Variants in EPHA4 observed in about 807,000 individuals in gnomAD.
EPHA4 encodes the protein ephrin type-A receptor 4.
Under a neutral mutation model 108.3 loss-of-function variants are expected in EPHA4, and 19 were observed. The observed-to-expected ratio is 0.18, with a 90% CI of 0.12 to 0.26. The LOEUF (loss-of-function observed/expected upper bound fraction) is 0.26. Among genes scored for constraint, EPHA4 ranks in the 10% least tolerant of loss-of-function variants. EPHA4 has a pLI of 1.00. For missense variants in EPHA4, 917 were observed against 1,254.0 expected (o/e 0.73, Z 4.06); for synonymous variants, 449 against 455.5 (o/e 0.99, Z 0.18).
At chr2:221,521,002 T>C (rs1693149657) in intron 3 of EPHA4, among the ~76,000 whole-genome samples, 1 of 152,228 alleles carries the variant, frequency 6.6e-6, no homozygotes, top group African/African-American at 2.4e-5. Context: ...TTTTGTTATA[T>C]TGCGCCCCCT....
chr2:221,429,355 C>T (rs971169120), intron 15 of EPHA4, among the ~76,000 whole-genome samples: 1 of 152,178 alleles, frequency 6.6e-6, no homozygotes, highest in Non-Finnish European at 1.5e-5. Context: ...CTACCTCTTT[C>T]AGGTGGTCCA....
At chr2:221,557,238 G>A (rs138763960) in intron 3 of EPHA4, among the ~76,000 whole-genome samples, 319 of 152,234 alleles carry the variant, frequency 2.1e-3, no homozygotes, top group Admixed American at 3.6e-3. Flanking sequence ...TGGTACCATC[G>A]CTTCACTCTT....
chr2:221,449,364 C>G (rs1016610442), intron 8 of EPHA4, among the ~76,000 whole-genome samples: 2 of 152,176 alleles, frequency 1.3e-5, no homozygotes, highest in Non-Finnish European at 2.9e-5. Context: ...GAAGTCCTAA[C>G]TCAAAACTGA....
intron 3 of EPHA4, among the ~76,000 whole-genome samples, chr2:221,558,279 T>A (rs1421730850): frequency 1.3e-5 from 2 of 152,048 alleles, no homozygotes; most frequent in Admixed American, 6.6e-5. Flanking sequence ...TTTTGAAAAC[T>A]GTGTGTGTGT....
intron 3 of EPHA4, among the ~76,000 whole-genome samples, chr2:221,543,966 A>C (rs1174686912): frequency 6.6e-6 from 1 of 152,188 alleles, no homozygotes; most frequent in Non-Finnish European, 1.5e-5. Context: ...AAGCAAAGTC[A>C]GTGTCTGATG....
chr2:221,570,632 G>A (rs1268053606), intron 1 of EPHA4, among the ~76,000 whole-genome samples: 2 of 151,928 alleles, frequency 1.3e-5, no homozygotes, highest in South Asian at 2.1e-4. Context: ...GGAGGGCTCC[G>A]GGTACCGGCT....
At chr2:221,441,197 CTTTTTT>C (rs201795751) in intron 11 of EPHA4, among the ~76,000 whole-genome samples, 1 of 132,100 alleles carries the variant, frequency 7.6e-6, no homozygotes, top group African/African-American at 2.8e-5. Context: ...CTTTTCTTTT[CTTTTTT>C]TTTTTTTTTT....
upstream of EPHA4, chr2:221,573,977 G>C (rs1694927737): frequency 6.6e-6 from 1 of 152,242 alleles, no homozygotes; most frequent in African/African-American, 2.4e-5. This position sits in a 1 kb window ranked among gnomAD's most constrained non-coding sequence, Gnocchi z 4.5. Context: ...GGGGTTGCCT[G>C]AGTGGCTGCT....
At chr2:221,466,413 C>T (rs1368630463) in intron 5 of EPHA4, among the ~76,000 whole-genome samples, 1 of 152,200 alleles carries the variant, frequency 6.6e-6, no homozygotes, top group Non-Finnish European at 1.5e-5. Flanking sequence ...GGCACTTGCA[C>T]ATACACGCAC....
At chr2:221,491,577 A>G (rs1375993321) in intron 4 of EPHA4, among the ~76,000 whole-genome samples, 1 of 152,140 alleles carries the variant, frequency 6.6e-6, no homozygotes, top group Non-Finnish European at 1.5e-5. Flanking sequence ...AATTGGATAG[A>G]AAGTTTCCAA....
chr2:221,550,418 G>GA (rs370058097), intron 3 of EPHA4, among the ~76,000 whole-genome samples: 7,184 of 135,506 alleles, frequency 0.053, 508 homozygotes, highest in African/African-American at 0.17. Flanking sequence ...TGAGGAAAGG[G>GA]GAGAGAGAGA....
At chr2:221,436,248 T>C (rs1690233512) in intron 13 of EPHA4, 151 bp downstream of exon 13, 10 of 697,930 alleles carry the variant, frequency 1.4e-5, no homozygotes, top group Middle Eastern at 4.0e-4. Context: ...ATTGGAAACA[T>C]GGTTTAAAAA....
intron 3 of EPHA4, among the ~76,000 whole-genome samples, chr2:221,504,524 T>G (rs943387206): frequency 2.4e-5 from 3 of 125,900 alleles, no homozygotes; most frequent in Non-Finnish European, 4.9e-5. Flanking sequence ...TGATTACACC[T>G]ACTATTTGAA....
chr2:221,510,492 T>C (rs1250739578), intron 3 of EPHA4, among the ~76,000 whole-genome samples: 1 of 152,072 alleles, frequency 6.6e-6, no homozygotes, highest in African/African-American at 2.4e-5. Flanking sequence ...ACCTTGGAGG[T>C]AGTTTTCAGA....
chr2:221,504,688 A>G (rs1349092039), intron 3 of EPHA4, among the ~76,000 whole-genome samples: 4 of 152,168 alleles, frequency 2.6e-5, no homozygotes, highest in African/African-American at 9.7e-5. Flanking sequence ...TTGTGAAAAT[A>G]AATATCAAGT....
chr2:221,474,877 T>C (rs1214384246), intron 5 of EPHA4, among the ~76,000 whole-genome samples: 1 of 152,098 alleles, frequency 6.6e-6, no homozygotes, highest in African/African-American at 2.4e-5. Context: ...CATAGAATTA[T>C]TATTATTTTG....
chr2:221,441,570 G>C (rs763866122), intron 11 of EPHA4, among the ~76,000 whole-genome samples: 15 of 152,102 alleles, frequency 9.9e-5, no homozygotes, highest in Non-Finnish European at 2.1e-4. Context: ...CAGGTACCAA[G>C]ACGGGAGGGT....
At chr2:221,483,293 G>T (rs1691886679) in intron 4 of EPHA4, among the ~76,000 whole-genome samples, 2 of 152,134 alleles carry the variant, frequency 1.3e-5, no homozygotes, top group Non-Finnish European at 2.9e-5. Flanking sequence ...CAGGGGTTTT[G>T]TTCAAGGCTC....
chr2:221,482,825 G>C, intron 4 of EPHA4, 135 bp from the exon 5 acceptor site: 2 of 717,824 alleles, frequency 2.8e-6, no homozygotes, highest in Non-Finnish European at 4.5e-6. Context: ...AGCAAATCAA[G>C]CCAGCATAAA....
Sources: allele counts gnomAD v4.1 joint callset (sites outside exome capture counted in the v4.1 genomes callset), GRCh38; gene constraint gnomAD v4.1.1; non-coding constraint Gnocchi (gnomAD v3.1); transcripts MANE v1.5; gene names NCBI Gene and HGNC (gene_info 2026-07-23, HGNC 2026-07-21).